KCNIP4: variants seen among roughly 807,000 people sequenced by gnomAD.
The protein encoded by KCNIP4 is potassium voltage-gated channel interacting protein 4.
KCNIP4 carries 12 observed loss-of-function variants against 34.0 expected under a neutral mutation model. The observed-to-expected ratio is 0.35, with a 90% CI of 0.23 to 0.57. KCNIP4 has a LOEUF of 0.57. Ranked by LOEUF, KCNIP4 falls within the 20% of genes least tolerant of loss-of-function variation. The probability of loss-of-function intolerance (pLI) is 0.83; values close to 1 mark genes in which losing one functional copy is unlikely to be tolerated. For missense variants in KCNIP4, 238 were observed against 311.7 expected (o/e 0.76, Z 1.78); for synonymous variants, 124 against 102.2 (o/e 1.21, Z -1.29).
chr4:20,809,462 G>C (rs1715464098), intron 3 of KCNIP4, among the ~76,000 whole-genome samples: 1 of 152,048 alleles, frequency 6.6e-6, no homozygotes, highest in Non-Finnish European at 1.5e-5. Context: ...GTTAATAATG[G>C]AGAATGTCGC....
chr4:21,872,442 A>G (rs1443091002), intron 1 of KCNIP4, among the ~76,000 whole-genome samples: 3 of 152,166 alleles, frequency 2.0e-5, no homozygotes, highest in Non-Finnish European at 4.4e-5. Flanking sequence ...CAGGCTAAAG[A>G]GAAGCAGCAG....
intron 1 of KCNIP4, among the ~76,000 whole-genome samples, chr4:21,281,346 C>T (rs1428788261): frequency 6.6e-6 from 1 of 152,096 alleles, no homozygotes; most frequent in Non-Finnish European, 1.5e-5. Context: ...CCTCAGCCTC[C>T]CAGAGTGCTG....
At chr4:20,969,547 CGTGTGTGTTT>C (rs1734715793) in intron 1 of KCNIP4, among the ~76,000 whole-genome samples, 1 of 133,206 alleles carries the variant, frequency 7.5e-6, no homozygotes, top group African/African-American at 4.1e-5. Flanking sequence ...AAATTTGCTG[CGTGTGTGTTT>C]GTGTGTGTGT....
intron 1 of KCNIP4, among the ~76,000 whole-genome samples, chr4:21,820,273 A>ATG (rs201520758): frequency 1.5e-4 from 7 of 45,990 alleles, no homozygotes; most frequent in African/African-American, 3.4e-4. Flanking sequence ...TATCTTATGT[A>ATG]TGTGTGTGTG....
rs564196950 is a variant in KCNIP4 at position 21,068,416 on chromosome 4, A to T, written c.62-185707T>A. On this transcript the variant is annotated intron_variant, in intron 1 of 8. Transcript: ENST00000382152. ...CCCATAATAATGAGCATGAAATCCAACTCCATACCCTATGTGGTCTATATA... is the reference window on the plus strand; with the variant it reads ...CCCATAATAATGAGCATGAAATCCATCTCCATACCCTATGTGGTCTATATA... 1.8e-3 allele frequency among the ~76,000 whole-genome samples: 268 copies of T among 151,962 alleles called. 1 individual carries two copies. Among genetic ancestry groups the T allele is most frequent in the African/African-American group, 6.2e-3 (256 of 41,442 alleles).
intron 1 of KCNIP4, among the ~76,000 whole-genome samples, chr4:21,387,096 C>T (rs1027693647): frequency 6.6e-6 from 1 of 152,148 alleles, no homozygotes; most frequent in Admixed American, 6.6e-5. Flanking sequence ...AACATGTTAT[C>T]TTTAAACAGA....
At chr4:21,158,567 A>C (rs1356523207) in intron 1 of KCNIP4, among the ~76,000 whole-genome samples, 1 of 152,200 alleles carries the variant, frequency 6.6e-6, no homozygotes, top group African/African-American at 2.4e-5. Context: ...GATACTGAAA[A>C]AGAATTTGAC....
At chr4:21,921,973 A>G (rs10938868) in intron 1 of KCNIP4, among the ~76,000 whole-genome samples, 37,850 of 152,060 alleles carry the variant, frequency 0.25, 5,600 homozygotes, top group East Asian at 0.61. Context: ...TCCCTGGGTG[A>G]TCCGGCTCCC....
chr4:21,416,742 A>T (rs777644351), intron 1 of KCNIP4, among the ~76,000 whole-genome samples: 1 of 152,230 alleles, frequency 6.6e-6, no homozygotes, highest in African/African-American at 2.4e-5. Context: ...CCTGGAATAC[A>T]TAAGTTTATT....
At chr4:21,357,790 AC>A (rs1718793841) in intron 1 of KCNIP4, among the ~76,000 whole-genome samples, 1 of 152,134 alleles carries the variant, frequency 6.6e-6, no homozygotes, top group Non-Finnish European at 1.5e-5. Context: ...AACTAGAAAT[AC>A]CATTTGACCC....
At chr4:20,806,455 T>C (rs1478377438) in intron 3 of KCNIP4, among the ~76,000 whole-genome samples, 1 of 152,040 alleles carries the variant, frequency 6.6e-6, no homozygotes, top group Non-Finnish European at 1.5e-5. Context: ...TTCATCTATT[T>C]TGTTGCAACT....
chr4:21,199,871 A>G (rs536873226), intron 1 of KCNIP4, among the ~76,000 whole-genome samples: 1 of 152,292 alleles, frequency 6.6e-6, no homozygotes, highest in East Asian at 1.9e-4. Flanking sequence ...ATAAAAAAGG[A>G]GGAGTTCATG....
At chr4:20,994,365 G>A (rs1577502275) in intron 1 of KCNIP4, among the ~76,000 whole-genome samples, 1 of 152,212 alleles carries the variant, frequency 6.6e-6, no homozygotes, top group East Asian at 1.9e-4. Flanking sequence ...GTGCATGTGA[G>A]TGTGAGAATG....
At chr4:21,436,612 G>C (rs1052001906) in intron 1 of KCNIP4, among the ~76,000 whole-genome samples, 2 of 152,182 alleles carry the variant, frequency 1.3e-5, no homozygotes. Context: ...TGAATTCAAA[G>C]ACTGTCTCTG....
intron 1 of KCNIP4, among the ~76,000 whole-genome samples, chr4:21,775,072 A>G (rs1288601456): frequency 1.3e-5 from 2 of 151,908 alleles, no homozygotes; most frequent in Non-Finnish European, 2.9e-5. Flanking sequence ...ATTATTTCTC[A>G]TCTTTGTGAG....
intron 1 of KCNIP4, among the ~76,000 whole-genome samples, chr4:21,694,568 G>C (rs1042528088): frequency 4.6e-5 from 7 of 151,820 alleles, no homozygotes; most frequent in Admixed American, 3.9e-4. Context: ...TATTTTAGCT[G>C]GACAAATCTT....
chr4:21,637,248 T>A (rs1577732083), intron 1 of KCNIP4, among the ~76,000 whole-genome samples: 1 of 152,142 alleles, frequency 6.6e-6, no homozygotes, highest in Non-Finnish European at 1.5e-5. Flanking sequence ...TTATTTTAAT[T>A]TTAAAGACGA....
intron 1 of KCNIP4, among the ~76,000 whole-genome samples, chr4:21,278,523 C>T (rs73249538): frequency 0.014 from 2,172 of 152,270 alleles, 31 homozygotes; most frequent in Middle Eastern, 0.027. Context: ...AAGACATTAT[C>T]TCCTTCTTTT....
chr4:20,788,891 A>G lies in KCNIP4; in HGVS notation c.289-30001T>C, dbSNP rs192312908. 2.5e-3 allele frequency among the ~76,000 whole-genome samples: 375 copies of G among 152,268 alleles called. 2 individuals carry two copies. Among genetic ancestry groups the G allele is most frequent in the African/African-American group, 8.6e-3 (357 of 41,556 alleles). ...CACAGTGAGGAGGAAGGAGGAGTTG[A>G]TTATTGGGCAAAATATTTTGCCTCT... is the stretch of plus-strand genomic sequence containing the variant. On this transcript the variant is annotated intron_variant, in intron 3 of 8. Coordinates refer to ENST00000382152, the MANE Select transcript of KCNIP4 (RefSeq NM_025221.6).
Sources: gnomAD v4.1 joint callset for allele counts (sites outside exome capture counted in the v4.1 genomes callset) on GRCh38, gnomAD v4.1.1 for gene constraint, MANE v1.5 for transcripts, NCBI Gene and HGNC (gene_info 2026-07-23, HGNC 2026-07-21) for gene names.